GRIN2A: variants seen among roughly 807,000 people sequenced by gnomAD.
GRIN2A encodes the protein glutamate receptor ionotropic, NMDA 2A.
A neutral mutation model predicts 113.4 loss-of-function variants in GRIN2A; 22 were observed. That is an observed-to-expected ratio of 0.19 (90% CI 0.14 to 0.28). The LOEUF is 0.28. Among genes scored for constraint, GRIN2A ranks in the 10% least tolerant of loss-of-function variants. The pLI is 1.00. For synonymous variants in GRIN2A, 827 were observed against 738.4 expected (o/e 1.12, Z -1.94); for missense variants, 1,502 against 1,887.0 (o/e 0.80, Z 3.78).
intron 7 of GRIN2A, 136 bp from the exon 8 acceptor site, chr16:9,834,366 T>A: frequency 1.3e-6 from 1 of 799,850 alleles, no homozygotes; most frequent in Non-Finnish European, 2.1e-6. Context: ...CAAAAGAAGC[T>A]AATCATTTTT....
intron 11 of GRIN2A, among the ~76,000 whole-genome samples, chr16:9,774,985 C>G (rs948876420): frequency 1.3e-5 from 2 of 152,158 alleles, no homozygotes; most frequent in African/African-American, 4.8e-5. Flanking sequence ...AATTAGTTCT[C>G]TATTTGCCCT....
At chr16:10,090,521 C>CA (rs1170491213) in intron 2 of GRIN2A, among the ~76,000 whole-genome samples, 1 of 151,892 alleles carries the variant, frequency 6.6e-6, no homozygotes, top group African/African-American at 2.4e-5. Context: ...CCAAACCACA[C>CA]AAAAATTAAC....
At position 9,758,799 on chromosome 16, in the gene GRIN2A, A is replaced by G; in HGVS notation, c.*4350T>C. On this transcript the variant is annotated 3_prime_UTR_variant, in exon 13 of 13. Coordinates refer to ENST00000330684, the MANE Select transcript of GRIN2A (RefSeq NM_001134407.3). ...CATATTGGGAGAACTTTTCAAGTAT[A>G]GACCCCACAGCACTTTCAACCCTGT... 1 of 213,934 alleles carries G rather than the reference A, an allele frequency of 4.7e-6. No homozygotes were observed. Among genetic ancestry groups the G allele is most frequent in the Non-Finnish European group, 9.5e-6 (1 of 105,780 alleles). The allele number at this position is 213,934 out of a possible 1,614,324, so 13.3% of individuals were successfully genotyped here.
In GRIN2A at chr16:10,085,935, T is replaced by C. The variant is rs115154708; in HGVS notation, c.414+94063A>G. 3.1e-3 allele frequency among the ~76,000 whole-genome samples: 473 copies of C among 152,258 alleles called. 6 individuals are homozygous for C. The highest frequency in any genetic ancestry group is 0.01 in the African/African-American group (436 of 41,536). On this transcript the variant is annotated intron_variant, in intron 2 of 12. Transcript: ENST00000330684. ...TATGCGCTTAACCACAACACTAGAATGAATTAGTTAATTAACAAACAAAAA... is the reference window on the plus strand; with the variant it reads ...TATGCGCTTAACCACAACACTAGAACGAATTAGTTAATTAACAAACAAAAA...
chr16:10,010,713 G>T (rs933253411), intron 2 of GRIN2A, among the ~76,000 whole-genome samples: 3 of 152,068 alleles, frequency 2.0e-5, no homozygotes, highest in African/African-American at 4.8e-5. Context: ...GAGAGGAGAG[G>T]CTACTGAAGG....
intron 2 of GRIN2A, among the ~76,000 whole-genome samples, chr16:9,995,538 G>C (rs1008028641): frequency 6.6e-6 from 1 of 152,136 alleles, no homozygotes; most frequent in Non-Finnish European, 1.5e-5. Flanking sequence ...AACTTCCAAG[G>C]AGGGCTTGGG....
chr16:9,803,020 GA>G (rs35821076), intron 10 of GRIN2A, among the ~76,000 whole-genome samples: 49,754 of 151,172 alleles, frequency 0.33, 8,343 homozygotes, highest in African/African-American at 0.39. Context: ...TTGTTAAAAA[GA>G]AAAAAAAATC....
chr16:10,158,960 C>G (rs576824063), intron 2 of GRIN2A, among the ~76,000 whole-genome samples: 2 of 152,152 alleles, frequency 1.3e-5, no homozygotes, highest in South Asian at 4.2e-4. Context: ...TCAAAGTGGC[C>G]AAAATGTTGT....
At chr16:9,938,901 G>T (rs2141634989) in intron 2 of GRIN2A, among the ~76,000 whole-genome samples, 1 of 152,236 alleles carries the variant, frequency 6.6e-6, no homozygotes, top group African/African-American at 2.4e-5. Context: ...CTCATGACCG[G>T]AAAATCAAGC....
At position 9,891,032 on chromosome 16, in the gene GRIN2A, G is replaced by C. The variant is rs2043684685; in HGVS notation, c.1076C>G (p.Pro359Arg). 6.2e-7 allele frequency: 1 copy of C among 1,613,112 alleles called. No individual in the cohort carries two copies. The highest frequency in any genetic ancestry group is 8.5e-7 in the Non-Finnish European group (1 of 1,179,110). ...GTTCAGCACAATCACCACCAGCCTG[G>C]GGTGCACCTGGTAGCCTTCCTCAGT... ...SFTEEGYQVH[P>R]RLVVIVLNKD... The change falls in exon 4 of 13, where the codon CCC (proline) becomes CGC (arginine). Residue 359 changes from proline to arginine, a missense_variant. Transcript: ENST00000330684.
intron 2 of GRIN2A, among the ~76,000 whole-genome samples, chr16:10,126,166 TATA>T (rs1419824400): frequency 1.8e-3 from 133 of 72,100 alleles, no homozygotes; most frequent in Admixed American, 5.9e-3. Context: ...TTTATATATA[TATA>T]TATTTTTTTT....
intron 4 of GRIN2A, among the ~76,000 whole-genome samples, chr16:9,884,750 CTT>C (rs34469635): frequency 0.22 from 27,693 of 124,838 alleles, 2,592 homozygotes; most frequent in African/African-American, 0.24. Flanking sequence ...TAGAGAATTT[CTT>C]TTTTTTTTTT....
chr16:10,107,437 G>A (rs1305748478), intron 2 of GRIN2A, among the ~76,000 whole-genome samples: 1 of 152,186 alleles, frequency 6.6e-6, no homozygotes, highest in African/African-American at 2.4e-5. Context: ...TCCACTGCAG[G>A]TAGTTGCATG....
chr16:9,999,534 T>C (rs2046285533), intron 2 of GRIN2A, among the ~76,000 whole-genome samples: 1 of 151,224 alleles, frequency 6.6e-6, no homozygotes, highest in Non-Finnish European at 1.5e-5. Flanking sequence ...TAAGTGGGAG[T>C]TGAACAATTA....
At chr16:10,030,632 C>T (rs112606386) in intron 2 of GRIN2A, among the ~76,000 whole-genome samples, 1 of 152,160 alleles carries the variant, frequency 6.6e-6, no homozygotes, top group African/African-American at 2.4e-5. Flanking sequence ...AAGCTCAAGA[C>T]TTTTTATTTT....
chr16:9,803,252 A>G (rs1390389074), intron 10 of GRIN2A, among the ~76,000 whole-genome samples: 1 of 151,968 alleles, frequency 6.6e-6, no homozygotes, highest in East Asian at 1.9e-4. Flanking sequence ...TAAAATTACA[A>G]AAAAAATAGC....
intron 2 of GRIN2A, among the ~76,000 whole-genome samples, chr16:10,114,057 T>C (rs894389105): frequency 1.3e-4 from 19 of 150,996 alleles, no homozygotes; most frequent in African/African-American, 4.4e-4. Context: ...CCATGCATGG[T>C]GGTGTGTGCC....
chr16:10,149,664 C>G (rs2049526448), intron 2 of GRIN2A, among the ~76,000 whole-genome samples: 1 of 152,188 alleles, frequency 6.6e-6, no homozygotes, highest in Non-Finnish European at 1.5e-5. Context: ...CCTCCTCACC[C>G]AAGTAACCAT....
At chr16:9,966,364 A>C (rs2045556529) in intron 2 of GRIN2A, among the ~76,000 whole-genome samples, 1 of 152,076 alleles carries the variant, frequency 6.6e-6, no homozygotes, top group African/African-American at 2.4e-5. Flanking sequence ...GTAATAATAT[A>C]TGATATTTGG....
Sources: gnomAD v4.1 joint callset for allele counts (sites outside exome capture counted in the v4.1 genomes callset) on GRCh38, gnomAD v4.1.1 for gene constraint, MANE v1.5 for transcripts, NCBI Gene and HGNC (gene_info 2026-07-23, HGNC 2026-07-21) for gene names.